Variants in RASSF1 observed in about 807,000 individuals in gnomAD.
RASSF1 encodes ras association domain-containing protein 1.
A neutral mutation model predicts 34.3 loss-of-function variants in RASSF1; 33 were observed. The observed-to-expected ratio is 0.96, with a 90% CI of 0.73 to 1.29. The LOEUF (loss-of-function observed/expected upper bound fraction) is 1.29, where lower values mean the gene tolerates loss of function less well. Among genes scored for constraint, RASSF1 ranks in the 50% most tolerant of loss-of-function variants. RASSF1 has a pLI of 0.00. For missense variants in RASSF1, 445 were observed against 471.8 expected, an observed-to-expected ratio of 0.94 and a Z score of 0.53; for synonymous variants, 191 against 195.0, an observed-to-expected ratio of 0.98 and a Z score of 0.17.
In RASSF1 at chr3:50,333,220, G is replaced by T. The variant is rs587698824; in HGVS notation, c.358-1066C>A. 2.0e-5 allele frequency among the ~76,000 whole-genome samples: 3 copies of T among 152,348 alleles called. 1 individual carries two copies. In the South Asian group the frequency reaches 6.2e-4, roughly 32 times the overall value. ...ATTTTTCTCCTCTGCCCCGGCACGG[G>T]GCCATGACCCACTGCAGGGTGAGAG... On this transcript the variant is annotated intron_variant, in intron 2 of 5. Coordinates refer to ENST00000359365, the MANE Select transcript of RASSF1 (RefSeq NM_007182.5).
In RASSF1 at chr3:50,337,922, C is replaced by A; in HGVS notation, c.340G>T (p.Glu114Ter). The change falls in exon 2 of 6, where the codon GAG (glutamate) becomes TAG (stop). Residue 114 changes from glutamate to a stop codon, truncating the protein, a stop_gained. Transcript: ENST00000359365. LOFTEE classifies it high-confidence loss of function. ...GCGCTCACCACGTTCGTGTCCCGCTCCACCGCGGGTTCCCAGCCCAGGTCC... is the reference window on the plus strand; with the variant it reads ...GCGCTCACCACGTTCGTGTCCCGCTACACCGCGGGTTCCCAGCCCAGGTCC... ...PRDLGWEPAVERDTNVDEPVE... is the reference protein window; with the variant it reads ...PRDLGWEPAV The A allele has an allele frequency of 6.2e-7, 1 of 1,611,126 alleles. No individual in the cohort carries two copies. Among genetic ancestry groups the A allele is most frequent in the Non-Finnish European group, 8.5e-7 (1 of 1,177,996 alleles).
chr3:50,338,348 C>T (rs1237428155), intron 1 of RASSF1: 4 of 435,608 alleles, frequency 9.2e-6, no homozygotes, highest in African/African-American at 2.1e-5. Context: ...GGCGCGATTT[C>T]GGCTCACCGC....
At chr3:50,337,761 C>T (rs1703211841) in intron 2 of RASSF1, 144 bp downstream of exon 2, 2 of 953,326 alleles carry the variant, frequency 2.1e-6, no homozygotes, top group Non-Finnish European at 3.1e-6. Context: ...TCCCAGCCCC[C>T]GCGCAGAATT....
intron 1 of RASSF1, among the ~76,000 whole-genome samples, chr3:50,339,044 C>T (rs1279077727): frequency 1.3e-5 from 2 of 152,216 alleles, no homozygotes; most frequent in Admixed American, 6.5e-5. Flanking sequence ...CCCAGATCCA[C>T]GGCTGAAACA....
intron 2 of RASSF1, among the ~76,000 whole-genome samples, chr3:50,335,762 T>C (rs1261197256): frequency 1.3e-5 from 2 of 151,932 alleles, no homozygotes; most frequent in Middle Eastern, 3.4e-3. Context: ...CACACCACCA[T>C]GCCCGGCTAA....
At position 50,337,501 on chromosome 3, in the gene RASSF1, C is replaced by T. The variant is rs587724221; in HGVS notation, c.357+404G>A. On this transcript the variant is annotated intron_variant, in intron 2 of 5. Coordinates refer to ENST00000359365, the MANE Select transcript of RASSF1 (RefSeq NM_007182.5). ...TCTTGTCTCATTGGGGCAGGAACGC[C>T]GGGGCGGGGACACGCACGCTTCGCC... 25 of 1,531,708 alleles carry T rather than the reference C, an allele frequency of 1.6e-5. No homozygotes were observed. In the African/African-American group the frequency reaches 2.9e-4, roughly 18 times the overall value. The allele number at this position is 1,531,708 out of a possible 1,614,324, so 94.9% of individuals were successfully genotyped here. A position where few individuals can be genotyped will look rare whatever the true frequency, so the allele number is the denominator to read the frequency against.
chr3:50,330,645 A>G lies in RASSF1; in HGVS notation c.959T>C (p.Leu320Pro). The change falls in exon 6 of 6, where the codon CTG (leucine) becomes CCG (proline). Residue 320 changes from leucine (L) to proline (P), a missense_variant. Transcript: ENST00000359365. This position sits in a 1 kb window ranked among gnomAD's most constrained non-coding sequence, Gnocchi z 4.5. ...REEEEHLRQI[L>P]QKYSYCRQKI... ...CTGGCGGCAATAGGAGTACTTCTGC[A>G]GGATCTGGCGGAGGTGCTCCTCCTC... 6.8e-6 allele frequency: 11 copies of G among 1,614,178 alleles called. No individual in the cohort carries two copies. The highest frequency in any genetic ancestry group is 9.3e-6 in the Non-Finnish European group (11 of 1,180,006).
chr3:50,340,436 C>G, intron 1 of RASSF1, 120 bp downstream of exon 1: 2 of 1,291,182 alleles, frequency 1.5e-6, no homozygotes, highest in Non-Finnish European at 2.0e-6. Flanking sequence ...GCGAAAGTAA[C>G]GGACCTAGTC....
In RASSF1 at chr3:50,340,753, C is replaced by T. The variant is rs1025552516; in HGVS notation, c.53G>A (p.Arg18His). The T allele has an allele frequency of 1.3e-6, 2 of 1,512,252 alleles. No homozygotes were observed. Among genetic ancestry groups the T allele is most frequent in the African/African-American group, 2.9e-5 (2 of 68,866 alleles). 93.7% of individuals were successfully genotyped at this position (1,512,252 alleles called of 1,614,324 possible). Reference protein sequence around the residue: ...IELRELAPAGRAGKGRTRLER... With the variant: ...IELRELAPAGHAGKGRTRLER... ...CAGCCGGGTGCGGCCCTTCCCAGCG[C>T]GCCCAGCGGGTGCCAGCTCCCGCAG... Residue 18 changes from arginine to histidine, a missense_variant, in exon 1 of 6, where the codon CGC (arginine) becomes CAC (histidine). Transcript: ENST00000359365.
chr3:50,335,923 GAC>G (rs930644532), intron 2 of RASSF1, among the ~76,000 whole-genome samples: 8 of 151,504 alleles, frequency 5.3e-5, no homozygotes, highest in Admixed American at 2.0e-4. Context: ...CTATTTTTGA[GAC>G]AGAGTCTCAC....
At chr3:50,336,998 G>A in intron 2 of RASSF1, 1 of 904,538 alleles carries the variant, frequency 1.1e-6, no homozygotes, top group South Asian at 1.8e-5. Flanking sequence ...TCTAGGCGGT[G>A]GAATCGGGGT....
rs141347972 is a variant in RASSF1 at position 50,332,108 on chromosome 3, A to G, written c.404T>C (p.Ile135Thr). 3.1e-5 allele frequency: 50 copies of G among 1,613,990 alleles called. No homozygotes were observed. The highest frequency in any genetic ancestry group is 1.7e-4 in the Admixed American group (10 of 59,998). ...ATTGTACTCCTTGATCTTCTGCTCA[A>G]TCTCAGCTTGAGAAAGGTCAGGTGT... Reference protein sequence around the residue: ...WETPDLSQAEIEQKIKEYNAQ... With the variant: ...WETPDLSQAETEQKIKEYNAQ... The change falls in exon 3 of 6, where the codon ATT (isoleucine) becomes ACT (threonine). Residue 135 changes from isoleucine (I) to threonine (T), a missense_variant. Coordinates refer to ENST00000359365, the MANE Select transcript of RASSF1 (RefSeq NM_007182.5).
chr3:50,338,318 C>T, intron 1 of RASSF1: 1 of 851,268 alleles, frequency 1.2e-6, no homozygotes, highest in Non-Finnish European at 1.5e-6. Flanking sequence ...TTGCTTTTGT[C>T]ACCCAGGCTG....
chr3:50,340,543 G>A lies in RASSF1; in HGVS notation c.250+13C>T. Reference sequence around the variant, plus strand: ...CCCTTCCGCTCTCGTAGGCGCGCGGGGCCACTACTCACGCGCGCACTGCAG... The same window carrying A: ...CCCTTCCGCTCTCGTAGGCGCGCGGAGCCACTACTCACGCGCGCACTGCAG... On this transcript the variant is annotated intron_variant, in intron 1 of 5. Transcript: ENST00000359365. 2 of 1,489,462 alleles carry A rather than the reference G, an allele frequency of 1.3e-6. No homozygotes were observed. The highest frequency in any genetic ancestry group is 1.8e-6 in the Non-Finnish European group (2 of 1,128,878). The allele number at this position is 1,489,462 out of a possible 1,614,324, so 92.3% of individuals were successfully genotyped here. A position where few individuals can be genotyped will look rare whatever the true frequency, so the allele number is the denominator to read the frequency against.
chr3:50,338,212 A>G (rs1703235369), intron 1 of RASSF1: 1 of 1,407,280 alleles, frequency 7.1e-7, no homozygotes. Flanking sequence ...GGCCACAGGC[A>G]GAGAGGCCTG....
At chr3:50,339,435 G>A (rs587747849) in intron 1 of RASSF1, among the ~76,000 whole-genome samples, 1 of 144,454 alleles carries the variant, frequency 6.9e-6, no homozygotes, top group East Asian at 2.0e-4. Context: ...GCACGATCTC[G>A]GCTCACTGCA....
At chr3:50,332,226 G>A (rs1176792994) in intron 2 of RASSF1, 72 bp from the exon 3 acceptor site, 2 of 1,369,566 alleles carry the variant, frequency 1.5e-6, no homozygotes, top group East Asian at 2.3e-5. Context: ...GGCCTCTGGG[G>A]CAGTCTTTGG....
intron 2 of RASSF1, among the ~76,000 whole-genome samples, chr3:50,332,924 G>A (rs1232402408): frequency 2.6e-5 from 4 of 152,002 alleles, no homozygotes; most frequent in African/African-American, 7.3e-5. Flanking sequence ...GAGAAACCCC[G>A]TCTCTACTAA....
intron 2 of RASSF1, chr3:50,337,617 A>C (rs2109347612): frequency 4.5e-6 from 5 of 1,118,786 alleles, no homozygotes; most frequent in South Asian, 3.0e-5. Flanking sequence ...GGGCAAGCGC[A>C]CAAGAGTGGC....
Sources: allele counts gnomAD v4.1 joint callset (sites outside exome capture counted in the v4.1 genomes callset), GRCh38; gene constraint gnomAD v4.1.1; non-coding constraint Gnocchi (gnomAD v3.1); transcripts MANE v1.5; gene names NCBI Gene and HGNC (gene_info 2026-07-23, HGNC 2026-07-21).